The following HERPUD2 variants were observed in gnomAD, a reference collection of about 807,000 sequenced individuals.
The protein encoded by HERPUD2 is HERPUD family member 2, also known as homocysteine-responsive endoplasmic reticulum-resident ubiquitin-like domain member 2 protein.
Under a neutral mutation model 49.9 loss-of-function variants are expected in HERPUD2, and 13 were observed. The ratio of observed to expected loss-of-function variants is 0.26; its 90% CI spans 0.17 to 0.41. The LOEUF (loss-of-function observed/expected upper bound fraction) is 0.41. HERPUD2 is among the 10% of genes least tolerant of loss of function. HERPUD2 has a pLI of 1.00. For synonymous variants in HERPUD2, 172 were observed against 171.4 expected, an observed-to-expected ratio of 1.00 and a Z score of -0.03; for missense variants, 449 against 492.2, an observed-to-expected ratio of 0.91 and a Z score of 0.83.
chr7:35,691,035 C>G (rs7793627), intron 2 of HERPUD2, among the ~76,000 whole-genome samples: 1 of 152,018 alleles, frequency 6.6e-6, no homozygotes, highest in Non-Finnish European at 1.5e-5. Flanking sequence ...CATACTATTA[C>G]GCTTATTTAC....
Position 35,694,361 on chromosome 7 carries a change from G to T in HERPUD2, c.-31C>A, listed in dbSNP as rs1480574288. On this transcript the variant is annotated 5_prime_UTR_variant, in exon 2 of 9. Transcript: ENST00000311350. ...CCCCAAAGTCAGACAGAGTCCAGAG[G>T]AGCGGCAGTTAAGCCCAAAAGAGCC... The T allele has an allele frequency of 6.2e-7, 1 of 1,613,728 alleles. No homozygotes were observed. Among genetic ancestry groups the T allele is most frequent in the Admixed American group, 1.7e-5 (1 of 60,022 alleles).
At chr7:35,682,135 C>A (rs545478149) in intron 2 of HERPUD2, among the ~76,000 whole-genome samples, 5 of 151,746 alleles carry the variant, frequency 3.3e-5, no homozygotes, top group Non-Finnish European at 7.4e-5. Context: ...CCTCCTGAGG[C>A]TCAAGTGATC....
intron 5 of HERPUD2, among the ~76,000 whole-genome samples, chr7:35,652,039 A>C (rs1309726463): frequency 6.6e-6 from 1 of 152,182 alleles, no homozygotes. Flanking sequence ...TTTAGAGGTA[A>C]TCAAACCTCC....
chr7:35,670,184 T>C (rs768922126), intron 4 of HERPUD2, 31 bp downstream of exon 4: 3 of 1,116,268 alleles, frequency 2.7e-6, no homozygotes, highest in Non-Finnish European at 3.9e-6. Context: ...AAAAGAAAAG[T>C]TCAATGTTTA....
chr7:35,638,491 G>T lies in HERPUD2; in HGVS notation c.495-19C>A. ...TACATTTCTGCAAGAAATAAATAAT[G>T]AGCTCTTTTAATGCTCTAGCAGCTA... On this transcript the variant is annotated intron_variant, in intron 5 of 8. Coordinates refer to ENST00000311350, the MANE Select transcript of HERPUD2 (RefSeq NM_022373.5). 1 of 1,610,066 alleles carries T rather than the reference G, an allele frequency of 6.2e-7. No individual in the cohort carries two copies. The highest frequency in any genetic ancestry group is 1.1e-5 in the South Asian group (1 of 90,598).
intron 6 of HERPUD2, among the ~76,000 whole-genome samples, chr7:35,637,876 T>C (rs1418308177): frequency 6.6e-6 from 1 of 152,190 alleles, no homozygotes; most frequent in Non-Finnish European, 1.5e-5. Flanking sequence ...GTTAAATGAA[T>C]GCAGAATGAG....
chr7:35,654,120 G>C (rs1218553203), intron 5 of HERPUD2, among the ~76,000 whole-genome samples: 1 of 151,812 alleles, frequency 6.6e-6, no homozygotes, highest in Non-Finnish European at 1.5e-5. Context: ...CAAAAAAGTA[G>C]GAAGATTTTA....
chr7:35,676,149 G>A (rs1332860441), intron 2 of HERPUD2, among the ~76,000 whole-genome samples: 1 of 152,128 alleles, frequency 6.6e-6, no homozygotes, highest in Admixed American at 6.5e-5. Context: ...CACAAAATTT[G>A]ACTGTTATGC....
At chr7:35,674,404 T>TATAGAGAG (rs1785711309) in intron 2 of HERPUD2, among the ~76,000 whole-genome samples, 4 of 38,126 alleles carry the variant, frequency 1.0e-4, no homozygotes, top group Admixed American at 3.7e-4. Flanking sequence ...TATATATATA[T>TATAGAGAG]AGAGAGAGAG....
chr7:35,687,338 CACT>C (rs1266422224), intron 2 of HERPUD2, among the ~76,000 whole-genome samples: 1 of 152,106 alleles, frequency 6.6e-6, no homozygotes, highest in Non-Finnish European at 1.5e-5. Flanking sequence ...TTACCACCAC[CACT>C]ATTCTTCCTG....
At chr7:35,675,583 A>T (rs1785744204) in intron 2 of HERPUD2, among the ~76,000 whole-genome samples, 1 of 152,082 alleles carries the variant, frequency 6.6e-6, no homozygotes, top group African/African-American at 2.4e-5. Flanking sequence ...TCTTTTTGTG[A>T]ATTTTTTTCC....
At chr7:35,676,431 C>G (rs1410433589) in intron 2 of HERPUD2, among the ~76,000 whole-genome samples, 1 of 152,128 alleles carries the variant, frequency 6.6e-6, no homozygotes, top group Non-Finnish European at 1.5e-5. Flanking sequence ...CAAGGTGGCT[C>G]CTGCATCACT....
rs1562686274 is a variant in HERPUD2 at position 35,682,345 on chromosome 7, GTGTGTGTGTGTGTATATATATATATA to G, written c.148-9093_148-9068del. On this transcript the variant is annotated intron_variant, in intron 2 of 8. Coordinates refer to ENST00000311350, the MANE Select transcript of HERPUD2 (RefSeq NM_022373.5). The stretch of plus-strand genomic sequence containing the variant: ...TACACACGTGTGTGTGTGTGTGTGT[GTGTGTGTGTGTGTATATATATATATA>G]TATATATATATATATACTTAATCGG... 5.3e-3 allele frequency among the ~76,000 whole-genome samples: 149 copies of G among 28,188 alleles called. 4 individuals are homozygous for G. The highest frequency in any genetic ancestry group is 0.04 in the South Asian group (32 of 798). The allele number at this position is 28,188 out of a possible 152,430, so 18.5% of individuals were successfully genotyped here.
intron 4 of HERPUD2, among the ~76,000 whole-genome samples, chr7:35,669,828 T>C (rs1785607792): frequency 6.6e-6 from 1 of 152,140 alleles, no homozygotes; most frequent in Admixed American, 6.6e-5. Flanking sequence ...TTTTAAACAA[T>C]TTAATCCACC....
chr7:35,652,245 G>A (rs752401602), intron 5 of HERPUD2, among the ~76,000 whole-genome samples: 12 of 152,266 alleles, frequency 7.9e-5, no homozygotes, highest in Middle Eastern at 3.4e-3. Flanking sequence ...CCACTGCACC[G>A]TTTTGCAGCG....
Position 35,633,821 on chromosome 7 carries a change from C to G in HERPUD2, c.1090G>C (p.Glu364Gln). The change falls in exon 9 of 9, where the codon GAG (glutamate) becomes CAG (glutamine). Residue 364 changes from glutamate (E) to glutamine (Q), a missense_variant. Transcript: ENST00000311350. ...ERLMDDGLED[E>Q]SGEDGGEDAS... is the part of the protein sequence containing the mutation. ...TCTTCACCTCCATCTTCTCCACTCT[C>G]ATCTTCAAGCCCATCATCCATAAGA... 6.2e-7 allele frequency: 1 copy of G among 1,613,948 alleles called. No individual in the cohort carries two copies.
At chr7:35,653,916 T>C (rs1785221418) in intron 5 of HERPUD2, among the ~76,000 whole-genome samples, 1 of 152,084 alleles carries the variant, frequency 6.6e-6, no homozygotes, top group Non-Finnish European at 1.5e-5. Flanking sequence ...AGAAGGACTG[T>C]TTCAGCCCAG....
intron 2 of HERPUD2, among the ~76,000 whole-genome samples, chr7:35,683,700 G>T (rs1785965771): frequency 1.3e-5 from 2 of 151,890 alleles, no homozygotes; most frequent in Non-Finnish European, 2.9e-5. Flanking sequence ...TATCTACAAT[G>T]AACTCAAACA....
At chr7:35,634,975 C>CA (rs1277714596) in intron 7 of HERPUD2, among the ~76,000 whole-genome samples, 160 bp downstream of exon 7, 1 of 152,198 alleles carries the variant, frequency 6.6e-6, no homozygotes, top group Non-Finnish European at 1.5e-5. Context: ...TCTCACTCAA[C>CA]AAAACCTTCC....
Sources: allele counts gnomAD v4.1 joint callset (sites outside exome capture counted in the v4.1 genomes callset), GRCh38; gene constraint gnomAD v4.1.1; transcripts MANE v1.5; gene names NCBI Gene and HGNC (gene_info 2026-07-23, HGNC 2026-07-21).